The following RAI14 variants were observed in gnomAD, a reference collection of about 807,000 sequenced individuals.
RAI14 encodes ankycorbin.
A neutral mutation model predicts 115.4 loss-of-function variants in RAI14; 45 were observed. The observed-to-expected ratio is 0.39, with a 90% CI of 0.31 to 0.50. The LOEUF (loss-of-function observed/expected upper bound fraction) is 0.50. Ranked by LOEUF, RAI14 falls within the 20% of genes least tolerant of loss-of-function variation. The pLI is 0.85. For synonymous variants in RAI14, 371 were observed against 415.4 expected (o/e 0.89, Z 1.30); for missense variants, 939 against 1,131.2 (o/e 0.83, Z 2.44).
intron 1 of RAI14, 154 bp from the exon 2 acceptor site, chr5:34,686,718 G>A (rs929078259): frequency 5.0e-6 from 2 of 400,404 alleles, no homozygotes; most frequent in Non-Finnish European, 8.9e-6. Flanking sequence ...TATATCGTAA[G>A]TGGAAATATG....
chr5:34,793,510 C>T (rs1198815718), intron 3 of RAI14, among the ~76,000 whole-genome samples: 1 of 130,708 alleles, frequency 7.7e-6, no homozygotes, highest in Admixed American at 7.4e-5. Context: ...TTTGGGGTCT[C>T]TGACCACATT....
chr5:34,732,098 G>A (rs1438142474), intron 2 of RAI14, among the ~76,000 whole-genome samples: 1 of 152,222 alleles, frequency 6.6e-6, no homozygotes, highest in Non-Finnish European at 1.5e-5. Context: ...AAAAGCAGAA[G>A]TGCAAGTCCA....
chr5:34,771,346 T>C (rs752918574), intron 3 of RAI14, among the ~76,000 whole-genome samples: 2 of 152,072 alleles, frequency 1.3e-5, no homozygotes, highest in Non-Finnish European at 2.9e-5. Context: ...GCAGAGGCAA[T>C]GGAAGGAACT....
chr5:34,658,247 T>C (rs1241167422), intron 1 of RAI14, among the ~76,000 whole-genome samples: 1 of 152,160 alleles, frequency 6.6e-6, no homozygotes, highest in Non-Finnish European at 1.5e-5. Flanking sequence ...AGGGATTCCG[T>C]AGGGGAATGA....
At chr5:34,698,716 G>A (rs1007706479) in intron 2 of RAI14, among the ~76,000 whole-genome samples, 1 of 152,158 alleles carries the variant, frequency 6.6e-6, no homozygotes, top group Non-Finnish European at 1.5e-5. Flanking sequence ...GGAGGTATGG[G>A]CCTCTCTATA....
intron 2 of RAI14, chr5:34,716,204 A>T: frequency 2.8e-6 from 1 of 352,676 alleles, no homozygotes; most frequent in Non-Finnish European, 5.4e-6. Flanking sequence ...GTGGATTTAC[A>T]TGCCTACATC....
At chr5:34,804,352 C>G (rs1440491466) in intron 5 of RAI14, among the ~76,000 whole-genome samples, 2 of 152,164 alleles carry the variant, frequency 1.3e-5, no homozygotes, top group East Asian at 3.9e-4. Flanking sequence ...GTGACAACTT[C>G]CATAAATCTT....
At chr5:34,796,543 A>G (rs1753561383) in intron 4 of RAI14, among the ~76,000 whole-genome samples, 1 of 152,214 alleles carries the variant, frequency 6.6e-6, no homozygotes, top group African/African-American at 2.4e-5. Context: ...TTAGTCAACT[A>G]GAGACTGTAT....
At chr5:34,824,539 C>CCTG in intron 15 of RAI14, 48 bp downstream of exon 15, 2 of 1,422,008 alleles carry the variant, frequency 1.4e-6, no homozygotes, top group Non-Finnish European at 1.9e-6. Context: ...AAGTCTTAGT[C>CCTG]TCTTTGGCTT....
At chr5:34,703,070 C>A (rs1202215786) in intron 2 of RAI14, among the ~76,000 whole-genome samples, 1 of 152,070 alleles carries the variant, frequency 6.6e-6, no homozygotes, top group Non-Finnish European at 1.5e-5. Flanking sequence ...CAAAGTGTAA[C>A]CCAGATGTTG....
At chr5:34,821,600 T>C in intron 13 of RAI14, 132 bp from the exon 14 acceptor site, 2 of 607,578 alleles carry the variant, frequency 3.3e-6, no homozygotes, top group South Asian at 4.2e-5. Flanking sequence ...AGTTCACCCA[T>C]CCAGCTGCTA....
chr5:34,713,517 A>G (rs1051992889), intron 2 of RAI14, among the ~76,000 whole-genome samples: 9 of 152,236 alleles, frequency 5.9e-5, no homozygotes, highest in Non-Finnish European at 8.8e-5. Flanking sequence ...AAACTTAAAA[A>G]GGAAGACCCT....
chr5:34,714,512 G>A (rs939421983), intron 2 of RAI14, among the ~76,000 whole-genome samples: 3 of 152,134 alleles, frequency 2.0e-5, no homozygotes, highest in African/African-American at 7.2e-5. Context: ...CTCCTTGCTG[G>A]AGTCAATGTC....
chr5:34,712,985 A>T (rs1019747940), intron 2 of RAI14, among the ~76,000 whole-genome samples: 1 of 152,126 alleles, frequency 6.6e-6, no homozygotes, highest in African/African-American at 2.4e-5. Flanking sequence ...TACCTACTAG[A>T]TGCAAGGTTC....
Position 34,795,984 on chromosome 5 carries a change from C to A in RAI14, c.213C>A (p.Val71=). Residue 71 remains valine (V), a synonymous_variant, in exon 4 of 18, where the codon GTC becomes GTA. Transcript: ENST00000265109. ...AAKGHVECLR[V]MITHGVDVTA... is the part of the protein sequence containing the mutation. Reference sequence around the variant, plus strand: ...AAGGACACGTGGAATGCCTCAGGGTCATGATTACACATGGTGTGGATGTGA... The same window carrying A: ...AAGGACACGTGGAATGCCTCAGGGTAATGATTACACATGGTGTGGATGTGA... The A allele has an allele frequency of 6.2e-7, 1 of 1,613,162 alleles. No homozygotes were observed. Among genetic ancestry groups the A allele is most frequent in the Non-Finnish European group, 8.5e-7 (1 of 1,179,342 alleles).
At chr5:34,666,749 C>T (rs1743251879) in intron 1 of RAI14, among the ~76,000 whole-genome samples, 1 of 152,206 alleles carries the variant, frequency 6.6e-6, no homozygotes, top group Admixed American at 6.5e-5. Flanking sequence ...TTGTAATTGA[C>T]TTGAGCACCT....
At chr5:34,744,291 G>A (rs907773854) in intron 2 of RAI14, among the ~76,000 whole-genome samples, 4 of 151,672 alleles carry the variant, frequency 2.6e-5, no homozygotes, top group South Asian at 4.2e-4. Flanking sequence ...TTTTTTTTCC[G>A]CAAAAGCTTG....
Position 34,752,749 on chromosome 5 carries a change from G to GTGTATA in RAI14, c.37-4718_37-4717insGTATAT, listed in dbSNP as rs371462831. Among the ~76,000 whole-genome samples, 144 of 107,028 alleles carry GTGTATA rather than the reference G, an allele frequency of 1.3e-3. 3 individuals are homozygous for GTGTATA. Among genetic ancestry groups the GTGTATA allele is most frequent in the African/African-American group, 5.2e-3 (137 of 26,488 alleles). 70.2% of individuals were successfully genotyped at this position (107,028 alleles called of 152,430 possible). A position where few individuals can be genotyped will look rare whatever the true frequency, so the allele number is the denominator to read the frequency against. On this transcript the variant is annotated intron_variant, in intron 2 of 17. Transcript: ENST00000265109. ...TGTGTGTGTGTGTGTGTGTGTGTGT[G>GTGTATA]TATATATATATATATATGTATCTTT...
At chr5:34,732,996 A>G (rs185199768) in intron 2 of RAI14, 213 of 152,154 alleles carry the variant, frequency 1.4e-3, no homozygotes, top group African/African-American at 5.0e-3. Context: ...GAGAAGCCTC[A>G]GTGTGACTTG....
Sources: gnomAD v4.1 joint callset for allele counts (sites outside exome capture counted in the v4.1 genomes callset) on GRCh38, gnomAD v4.1.1 for gene constraint, MANE v1.5 for transcripts, NCBI Gene and HGNC (gene_info 2026-07-23, HGNC 2026-07-21) for gene names.